Variants in SPATA1 observed in about 807,000 individuals in gnomAD.
SPATA1 encodes the protein spermatogenesis associated 1.
SPATA1 carries 57 observed loss-of-function variants against 59.6 expected under a neutral mutation model. That is an observed-to-expected ratio of 0.96 (90% CI 0.77 to 1.19). SPATA1 has a LOEUF of 1.19. Among genes scored for constraint, SPATA1 ranks in the 50% most tolerant of loss-of-function variants. SPATA1 has a pLI of 0.00. For missense variants in SPATA1, 448 were observed against 480.7 expected, an observed-to-expected ratio of 0.93 and a Z score of 0.64; for synonymous variants, 147 against 163.9, an observed-to-expected ratio of 0.90 and a Z score of 0.79.
At chr1:84,566,053 G>T in exon 5 of SPATA1, 1 of 1,282,992 alleles carries the variant, frequency 7.8e-7, no homozygotes, top group Non-Finnish European at 1.0e-6. Context: ...ATATGATCAC[G>T]TGTGCATATT....
downstream of SPATA1, among the ~76,000 whole-genome samples, chr1:84,556,866 A>C (rs1243196135): frequency 6.6e-6 from 1 of 152,162 alleles, no homozygotes; most frequent in African/African-American, 2.4e-5. Context: ...AACTAGACAA[A>C]GCCATGCATG....
intron 1 of SPATA1, among the ~76,000 whole-genome samples, chr1:84,511,928 C>T (rs1570382759): frequency 6.6e-6 from 1 of 152,022 alleles, no homozygotes. Flanking sequence ...GGGATCCACC[C>T]GCCTCGGCCT....
At chr1:84,511,755 C>T (rs1682572526) in intron 1 of SPATA1, among the ~76,000 whole-genome samples, 1 of 142,928 alleles carries the variant, frequency 7.0e-6, no homozygotes, top group Non-Finnish European at 1.5e-5. Flanking sequence ...GATCTCGGCT[C>T]ACTGCAACCT....
At chr1:84,564,566 A>T (rs1684656461) in intron 4 of SPATA1, among the ~76,000 whole-genome samples, 2 of 152,194 alleles carry the variant, frequency 1.3e-5, no homozygotes, top group African/African-American at 4.8e-5. Context: ...TATGATACAA[A>T]GTATCCCTAT....
chr1:84,562,712 T>C (rs565430185), intron 4 of SPATA1, among the ~76,000 whole-genome samples: 1 of 152,364 alleles, frequency 6.6e-6, no homozygotes, highest in South Asian at 2.1e-4. Context: ...AATCACTTAG[T>C]GTATTTCTTC....
At chr1:84,555,500 T>C (rs550864644), downstream of SPATA1, among the ~76,000 whole-genome samples, 9 of 152,248 alleles carry the variant, frequency 5.9e-5, no homozygotes, top group Non-Finnish European at 1.3e-4. Flanking sequence ...ATCATATGTT[T>C]ATGGGTTTAT....
chr1:84,554,817 T>C (rs1684381034), downstream of SPATA1: 8 of 527,914 alleles, frequency 1.5e-5, no homozygotes, highest in Non-Finnish European at 2.3e-5. Flanking sequence ...CTTGCCTTTA[T>C]GTTCCTGGAT....
At chr1:84,557,533 CAAAAAAAA>C (rs56101174), downstream of SPATA1, among the ~76,000 whole-genome samples, 2 of 55,438 alleles carry the variant, frequency 3.6e-5, no homozygotes, top group African/African-American at 1.2e-4. Flanking sequence ...AACTCCATCT[CAAAAAAAA>C]AAAAAAAAAA....
At chr1:84,559,252 G>T (rs575037057), downstream of SPATA1, among the ~76,000 whole-genome samples, 1 of 152,270 alleles carries the variant, frequency 6.6e-6, no homozygotes, top group South Asian at 2.1e-4. Flanking sequence ...CTGTTATGAT[G>T]ATCTGCAATC....
At chr1:84,549,699 TTTGGGTTGGATCAATC>T (rs1684212686) in intron 11 of SPATA1, 2 of 152,158 alleles carry the variant, frequency 1.3e-5, no homozygotes, top group African/African-American at 4.8e-5. Flanking sequence ...AACAATTTGA[TTTGGGTTGGATCAATC>T]CCACTTATCC....
At chr1:84,535,650 AATTG>A (rs1315093235) in intron 8 of SPATA1, among the ~76,000 whole-genome samples, 6 of 151,858 alleles carry the variant, frequency 4.0e-5, no homozygotes. Context: ...ATAGAAATGT[AATTG>A]ATTTTTATAC....
At chr1:84,560,121 GAAA>G (rs1684563079) in intron 4 of SPATA1, among the ~76,000 whole-genome samples, 2 of 143,650 alleles carry the variant, frequency 1.4e-5, no homozygotes, top group African/African-American at 5.2e-5. Flanking sequence ...AAGAAAGAAA[GAAA>G]GAAAGAAAGG....
At chr1:84,556,205 A>G (rs1448778599), downstream of SPATA1, among the ~76,000 whole-genome samples, 1 of 152,196 alleles carries the variant, frequency 6.6e-6, no homozygotes, top group East Asian at 1.9e-4. Context: ...CACATGAGCT[A>G]TTGGATAAGA....
At chr1:84,550,690 C>T in intron 12 of SPATA1, 160 bp downstream of exon 12, 2 of 1,193,226 alleles carry the variant, frequency 1.7e-6, no homozygotes, top group Non-Finnish European at 2.1e-6. Flanking sequence ...AAAAAAAATG[C>T]AGGAAGAAAA....
intron 2 of SPATA1, among the ~76,000 whole-genome samples, chr1:84,519,508 T>C (rs1038514286): frequency 1.3e-5 from 2 of 152,026 alleles, no homozygotes; most frequent in African/African-American, 2.4e-5. Flanking sequence ...TCCTGTAAAA[T>C]ATTAATACAT....
chr1:84,555,323 T>C, downstream of SPATA1: 1 of 646,880 alleles, frequency 1.5e-6, no homozygotes, highest in Non-Finnish European at 2.5e-6. Context: ...AATCCAATTA[T>C]TCAAAAAGGA....
chr1:84,547,186 A>G (rs1390680853), intron 10 of SPATA1, among the ~76,000 whole-genome samples: 1 of 152,260 alleles, frequency 6.6e-6, no homozygotes, highest in Non-Finnish European at 1.5e-5. Flanking sequence ...AAGCAATTTT[A>G]TCAGACAGAT....
intron 12 of SPATA1, chr1:84,552,220 C>A (rs972592685): frequency 3.9e-5 from 6 of 152,222 alleles, no homozygotes; most frequent in African/African-American, 1.4e-4. Context: ...TCTCTTGCAA[C>A]CATATTTATT....
chr1:84,549,461 AG>A (rs1175364455), intron 11 of SPATA1: 1 of 152,186 alleles, frequency 6.6e-6, no homozygotes, highest in Non-Finnish European at 1.5e-5. Context: ...TATGGGAAAG[AG>A]GCAAATACCT....
Sources: gnomAD v4.1 joint callset for allele counts (sites outside exome capture counted in the v4.1 genomes callset) on GRCh38, gnomAD v4.1.1 for gene constraint, MANE v1.5 for transcripts, NCBI Gene and HGNC (gene_info 2026-07-23, HGNC 2026-07-21) for gene names.